The following SOBP variants were observed in gnomAD, a reference collection of about 807,000 sequenced individuals.
The protein encoded by SOBP is sine oculis binding protein homolog, also known as sine oculis-binding protein homolog.
Under a neutral mutation model 53.6 loss-of-function variants are expected in SOBP, and 4 were observed. The ratio of observed to expected loss-of-function variants is 0.07; its 90% CI spans 0.04 to 0.17. SOBP has a LOEUF of 0.17. Among genes scored for constraint, SOBP ranks in the 10% least tolerant of loss-of-function variants. The pLI is 1.00. For synonymous variants in SOBP, 584 were observed against 522.6 expected, an observed-to-expected ratio of 1.12 and a Z score of -1.60; for missense variants, 1,088 against 1,204.7, an observed-to-expected ratio of 0.90 and a Z score of 1.43.
intron 5 of SOBP, among the ~76,000 whole-genome samples, chr6:107,632,233 G>A (rs1770744951): frequency 6.6e-6 from 1 of 151,940 alleles, no homozygotes; most frequent in Non-Finnish European, 1.5e-5. Context: ...GCTTTATTGG[G>A]GGAGAGACTC....
At chr6:107,497,932 T>A (rs905754699) in intron 1 of SOBP, among the ~76,000 whole-genome samples, 15 of 152,230 alleles carry the variant, frequency 9.9e-5, no homozygotes, top group Admixed American at 9.8e-4. Flanking sequence ...TCAAATTACT[T>A]TTTCTAACAG....
intron 4 of SOBP, among the ~76,000 whole-genome samples, chr6:107,535,477 G>A (rs1783965975): frequency 6.6e-6 from 1 of 152,170 alleles, no homozygotes; most frequent in South Asian, 2.1e-4. Flanking sequence ...AAACCTGGAA[G>A]TTGCAGCAGT....
At chr6:107,535,630 TG>T (rs1176581090) in intron 4 of SOBP, among the ~76,000 whole-genome samples, 22 of 148,612 alleles carry the variant, frequency 1.5e-4, no homozygotes, top group South Asian at 4.2e-4. Flanking sequence ...TGTGTGTGTG[TG>T]TGTGTGTTTT....
intron 4 of SOBP, among the ~76,000 whole-genome samples, chr6:107,586,264 G>C (rs1244944499): frequency 6.6e-6 from 1 of 152,218 alleles, no homozygotes; most frequent in African/African-American, 2.4e-5. Flanking sequence ...GCTAAGATGA[G>C]ATGAGAGCAG....
rs1770953441 is a variant in SOBP at position 107,635,004 on chromosome 6, C to T, written c.2160C>T (p.Cys720=). 2 of 1,147,002 alleles carry T rather than the reference C, an allele frequency of 1.7e-6. No individual in the cohort carries two copies. The highest frequency in any genetic ancestry group is 2.1e-6 in the Non-Finnish European group (2 of 933,398). The allele number at this position is 1,147,002 out of a possible 1,614,324, so 71.1% of individuals were successfully genotyped here. Reference sequence around the variant, plus strand: ...CGGGCCCCGAGGCGGCCGCGGCCTGCAACGTCATCGTGAACGGCACGCGCG... The same window carrying T: ...CGGGCCCCGAGGCGGCCGCGGCCTGTAACGTCATCGTGAACGGCACGCGCG... The part of the protein sequence containing the change: ...APAGPEAAAA[C]NVIVNGTRGA... Residue 720 remains cysteine (C), a synonymous_variant, in exon 6 of 7, where the codon TGC becomes TGT. Coordinates refer to ENST00000317357, the MANE Select transcript of SOBP (RefSeq NM_018013.4). The surrounding 1 kb of genome is among the most constrained non-coding windows in gnomAD (Gnocchi z 4.5).
At chr6:107,509,249 C>CTT in intron 3 of SOBP, among the ~76,000 whole-genome samples, 1 of 152,164 alleles carries the variant, frequency 6.6e-6, no homozygotes, top group South Asian at 2.1e-4. Context: ...ACAAAATTAG[C>CTT]TGGGCATGGT....
At chr6:107,602,672 G>C (rs1051663792) in intron 5 of SOBP, among the ~76,000 whole-genome samples, 6 of 151,654 alleles carry the variant, frequency 4.0e-5, no homozygotes, top group African/African-American at 1.5e-4. Context: ...ATGGCCTAAA[G>C]GCTCAGGTTA....
intron 6 of SOBP, among the ~76,000 whole-genome samples, chr6:107,638,789 T>C (rs907445137): frequency 6.6e-6 from 1 of 152,140 alleles, no homozygotes; most frequent in African/African-American, 2.4e-5. Flanking sequence ...ATTTCTCATA[T>C]ATATTCATTA....
chr6:107,528,959 G>A (rs189612528), intron 3 of SOBP, among the ~76,000 whole-genome samples: 35 of 152,328 alleles, frequency 2.3e-4, no homozygotes, highest in Admixed American at 2.2e-3. Context: ...ATTAATGTTA[G>A]TAACTGCCTG....
chr6:107,645,515 A>G (rs1053165019), intron 6 of SOBP, among the ~76,000 whole-genome samples: 4 of 129,066 alleles, frequency 3.1e-5, no homozygotes, highest in African/African-American at 8.9e-5. Flanking sequence ...TGAAGAACTA[A>G]TAACCTACTG....
chr6:107,519,058 C>T lies in SOBP; in HGVS notation c.421+12631C>T, dbSNP rs573451475. On this transcript the variant is annotated intron_variant, in intron 3 of 6. Transcript: ENST00000317357. ...GTTATAGGCATAAGGCATAGATATA[C>T]CCCTCTGTGGTCTACTTGAGAGCTG... Among the ~76,000 whole-genome samples, 1,427 of 149,836 alleles carry T rather than the reference C, an allele frequency of 9.5e-3. 9 individuals are homozygous for T. Among genetic ancestry groups the T allele is most frequent in the Middle Eastern group, 0.017 (5 of 294 alleles).
chr6:107,494,651 T>G, intron 1 of SOBP, among the ~76,000 whole-genome samples: 1 of 152,270 alleles, frequency 6.6e-6, no homozygotes, highest in East Asian at 1.9e-4. Flanking sequence ...AATGTTTAAC[T>G]TCTTTATCAA....
At chr6:107,553,631 G>A (rs111580102) in intron 4 of SOBP, among the ~76,000 whole-genome samples, 2,784 of 152,068 alleles carry the variant, frequency 0.018, 71 homozygotes, top group African/African-American at 0.061. Context: ...GATTATAGGC[G>A]CCCGCCACCA....
intron 4 of SOBP, among the ~76,000 whole-genome samples, chr6:107,551,812 G>C (rs983261248): frequency 1.3e-5 from 2 of 152,206 alleles, no homozygotes; most frequent in East Asian, 1.9e-4. Context: ...CTTGGGGTCA[G>C]GAGTTCGATA....
intron 3 of SOBP, among the ~76,000 whole-genome samples, chr6:107,531,869 A>G (rs1352211092): frequency 6.6e-6 from 1 of 152,196 alleles, no homozygotes; most frequent in African/African-American, 2.4e-5. Context: ...TATTCCATTG[A>G]GGTAAATAAA....
intron 4 of SOBP, among the ~76,000 whole-genome samples, chr6:107,567,589 G>T (rs1784955362): frequency 6.6e-6 from 1 of 152,220 alleles, no homozygotes; most frequent in Non-Finnish European, 1.5e-5. Context: ...AATACTGGAA[G>T]AAGTTCCTCT....
rs868534986 is a variant in SOBP, at chr6:107,529,904, C to T, written c.422-3555C>T. On this transcript the variant is annotated intron_variant, in intron 3 of 6. Coordinates refer to ENST00000317357, the MANE Select transcript of SOBP (RefSeq NM_018013.4). ...ACATTCTGCTTAATTAAATTCGGTA[C>T]AAATTTTTCATGATTAATTGAAATA... Among the ~76,000 whole-genome samples, 13 of 152,200 alleles carry T rather than the reference C, an allele frequency of 8.5e-5. No individual in the cohort carries two copies. In the South Asian group the frequency reaches 2.7e-3, roughly 32 times the overall value.
intron 1 of SOBP, among the ~76,000 whole-genome samples, chr6:107,500,771 C>T (rs1220754366): frequency 1.3e-5 from 2 of 152,090 alleles, no homozygotes; most frequent in East Asian, 3.9e-4. Context: ...GTGATCTGCC[C>T]ACCTTGGCCT....
At chr6:107,581,432 A>G (rs1267320393) in intron 4 of SOBP, among the ~76,000 whole-genome samples, 1 of 152,216 alleles carries the variant, frequency 6.6e-6, no homozygotes, top group Non-Finnish European at 1.5e-5. Flanking sequence ...TCAACAGTGC[A>G]GTAACTCCAG....
Sources: gnomAD v4.1 joint callset for allele counts (sites outside exome capture counted in the v4.1 genomes callset) on GRCh38, gnomAD v4.1.1 for gene constraint, Gnocchi (gnomAD v3.1) non-coding constraint, MANE v1.5 for transcripts, NCBI Gene and HGNC (gene_info 2026-07-23, HGNC 2026-07-21) for gene names.